The following SYT14 variants were observed in gnomAD, a reference collection of about 807,000 sequenced individuals.
SYT14 encodes synaptotagmin-14.
Under a neutral mutation model 74.2 loss-of-function variants are expected in SYT14, and 32 were observed. The ratio of observed to expected loss-of-function variants is 0.43; its 90% CI spans 0.33 to 0.58. The LOEUF (loss-of-function observed/expected upper bound fraction) is 0.58. SYT14 is among the 20% of genes least tolerant of loss of function. The pLI is 0.05. For synonymous variants in SYT14, 298 were observed against 337.7 expected (o/e 0.88, Z 1.29); for missense variants, 791 against 981.8 (o/e 0.81, Z 2.60).
At chr1:209,980,930 G>C (rs1279989157) in intron 2 of SYT14, among the ~76,000 whole-genome samples, 6 of 152,060 alleles carry the variant, frequency 3.9e-5, no homozygotes, top group African/African-American at 1.4e-4. Context: ...GGCTATTTGG[G>C]CTCTTTTTTG....
chr1:210,041,614 C>T (rs1184989743), intron 5 of SYT14, among the ~76,000 whole-genome samples: 1 of 151,936 alleles, frequency 6.6e-6, no homozygotes, highest in African/African-American at 2.4e-5. Flanking sequence ...TACTATACTA[C>T]CTTTTATCTA....
chr1:210,013,806 C>T lies in SYT14; in HGVS notation c.-321+9C>T, dbSNP rs1331754592. ...TTCACAAGATAAAATTTGTAAGTAT[C>T]GTATTGCTGCTTCTCTTGTTTGTTC... is the stretch of plus-strand genomic sequence containing the variant. On this transcript the variant is annotated intron_variant, in intron 3 of 9. Coordinates refer to ENST00000637265, the Ensembl canonical transcript of SYT14. 28 of 1,608,926 alleles carry T rather than the reference C, an allele frequency of 1.7e-5. No homozygotes were observed. Among genetic ancestry groups the T allele is most frequent in the African/African-American group, 2.7e-5 (2 of 74,712 alleles).
At chr1:210,068,169 TTC>T (rs1254836734) in intron 5 of SYT14, among the ~76,000 whole-genome samples, 1 of 151,916 alleles carries the variant, frequency 6.6e-6, no homozygotes, top group African/African-American at 2.4e-5. Flanking sequence ...TTTTATTATT[TTC>T]TCTTTCTAAT....
intron 5 of SYT14, among the ~76,000 whole-genome samples, chr1:210,034,165 G>T (rs1303077530): frequency 6.6e-6 from 1 of 151,704 alleles, no homozygotes; most frequent in African/African-American, 2.4e-5. Context: ...ATATTTTGAA[G>T]ATGAGGAAAC....
chr1:210,146,681 C>G (rs1350993878), intron 7 of SYT14, among the ~76,000 whole-genome samples: 2 of 151,158 alleles, frequency 1.3e-5, no homozygotes, highest in African/African-American at 4.9e-5. Flanking sequence ...TACATATATA[C>G]TATATGTAGT....
chr1:210,167,217 A>G (rs2083465386), exon 10 of SYT14: 1 of 152,212 alleles, frequency 6.6e-6, no homozygotes, highest in Non-Finnish European at 1.5e-5. Flanking sequence ...AGGTGCTGGC[A>G]TGTTTGCATT....
At chr1:210,168,559 T>C (rs956145048) in exon 10 of SYT14, 7 of 152,158 alleles carry the variant, frequency 4.6e-5, no homozygotes, top group African/African-American at 1.4e-4. Flanking sequence ...CTGAAAAAAA[T>C]TTTCAAACTT....
intron 1 of SYT14, among the ~76,000 whole-genome samples, chr1:209,938,703 C>G (rs757211516): frequency 2.6e-5 from 4 of 152,258 alleles, no homozygotes; most frequent in Non-Finnish European, 5.9e-5. Context: ...GGCAAACCAT[C>G]CTTCCGCAAT....
chr1:210,114,361 TG>T (rs1270137523), intron 7 of SYT14, among the ~76,000 whole-genome samples: 2 of 151,434 alleles, frequency 1.3e-5, no homozygotes, highest in Non-Finnish European at 2.9e-5. Flanking sequence ...GAGATGTGGC[TG>T]GGGTTCCTCT....
intron 7 of SYT14, among the ~76,000 whole-genome samples, chr1:210,147,039 C>G (rs1305649613): frequency 6.6e-6 from 1 of 151,840 alleles, no homozygotes; most frequent in Non-Finnish European, 1.5e-5. Context: ...AAGAATTGGT[C>G]CACCATGAAT....
chr1:210,096,603 G>A (rs1326929559), intron 6 of SYT14, among the ~76,000 whole-genome samples: 1 of 152,178 alleles, frequency 6.6e-6, no homozygotes, highest in Non-Finnish European at 1.5e-5. Context: ...GATGTAACAA[G>A]GACCAGAGTT....
chr1:210,023,251 C>A (rs1197773857), intron 5 of SYT14, among the ~76,000 whole-genome samples: 1 of 152,058 alleles, frequency 6.6e-6, no homozygotes, highest in Non-Finnish European at 1.5e-5. Flanking sequence ...AACCTACTGA[C>A]TGGAGGAGGA....
chr1:210,107,241 A>G (rs1277245742), intron 7 of SYT14, among the ~76,000 whole-genome samples: 1 of 152,244 alleles, frequency 6.6e-6, no homozygotes, highest in Admixed American at 6.5e-5. Context: ...AGGGACTGAC[A>G]TTGAAGGCTG....
At chr1:209,954,188 A>C (rs1488950872) in intron 2 of SYT14, among the ~76,000 whole-genome samples, 2 of 152,250 alleles carry the variant, frequency 1.3e-5, no homozygotes, top group African/African-American at 2.4e-5. Context: ...GACAGCTAGA[A>C]GCAAGAAAAG....
rs189742838 is a variant in SYT14 at position 210,115,078 on chromosome 1, A to G, written c.2034+14617A>G. ...ATCAGGCATCTCAGACCATTTGCCC[A>G]TTTTACGACAAGAATTATCTAGATC... is the stretch of plus-strand genomic sequence containing the variant. On this transcript the variant is annotated intron_variant, in intron 7 of 9. Coordinates refer to ENST00000637265, the Ensembl canonical transcript of SYT14. 1.5e-3 allele frequency among the ~76,000 whole-genome samples: 231 copies of G among 151,368 alleles called. 18 individuals are homozygous for G. The highest frequency in any genetic ancestry group is 4.8e-3 in the African/African-American group (197 of 40,680).
At chr1:210,013,824 G>A (rs759814659) in intron 3 of SYT14, 27 bp downstream of exon 3, 1 of 1,604,682 alleles carries the variant, frequency 6.2e-7, no homozygotes, top group Non-Finnish European at 8.5e-7. Context: ...TGCTTCTCTT[G>A]TTTGTTCTTT....
intron 2 of SYT14, among the ~76,000 whole-genome samples, chr1:209,993,053 G>C (rs1572127543): frequency 6.6e-6 from 1 of 152,178 alleles, no homozygotes; most frequent in Admixed American, 6.5e-5. Context: ...CTGGCAGAGG[G>C]ATCTTGCTGG....
At chr1:210,075,989 A>G (rs1322118880) in intron 5 of SYT14, among the ~76,000 whole-genome samples, 1 of 152,216 alleles carries the variant, frequency 6.6e-6, no homozygotes, top group Non-Finnish European at 1.5e-5. Context: ...CCTTAAGCAA[A>G]CAACTTTAAA....
At chr1:210,106,793 C>T (rs994756868) in intron 7 of SYT14, among the ~76,000 whole-genome samples, 1 of 152,070 alleles carries the variant, frequency 6.6e-6, no homozygotes, top group Admixed American at 6.6e-5. Context: ...GCCACCCCCG[C>T]AAATCTCATG....
Sources: gnomAD v4.1 joint callset for allele counts (sites outside exome capture counted in the v4.1 genomes callset) on GRCh38, gnomAD v4.1.1 for gene constraint, MANE v1.5 for transcripts, NCBI Gene and HGNC (gene_info 2026-07-23, HGNC 2026-07-21) for gene names.